Variants in OR52K1 observed in about 807,000 individuals in gnomAD.
OR52K1 encodes olfactory receptor 52K1.
Under a neutral mutation model 8.7 loss-of-function variants are expected in OR52K1, and 10 were observed. The ratio of observed to expected loss-of-function variants is 1.15; its 90% confidence interval spans 0.71 to 1.95. OR52K1 has a LOEUF of 1.95. OR52K1 is among the 30% of genes most tolerant of loss of function. The pLI is 0.00. For synonymous variants in OR52K1, 203 were observed against 148.5 expected (o/e 1.37, Z -2.67); for missense variants, 431 against 397.2 (o/e 1.08, Z -0.72).
chr11:4,485,016 T>C (rs1370967687), intron 1 of OR52K1, among the ~76,000 whole-genome samples: 1 of 152,234 alleles, frequency 6.6e-6, no homozygotes, highest in Non-Finnish European at 1.5e-5. Context: ...TGCCTGTCTC[T>C]CTTCTAGCAA....
rs746494070 is a variant in OR52K1, at chr11:4,489,339, G to A, written c.439G>A (p.Gly147Ser). 4 of 1,614,040 alleles carry A rather than the reference G, an allele frequency of 2.5e-6. No homozygotes were observed. The highest frequency in any genetic ancestry group is 3.4e-6 in the Non-Finnish European group (4 of 1,180,044). Residue 147 changes from glycine to serine, a missense_variant, in exon 2 of 2, where the codon GGC (glycine) becomes AGC (serine). Transcript: ENST00000641528. The stretch of plus-strand genomic sequence containing the variant: ...GACTGGGTCCCTCATCACCAAGATT[G>A]GCATGGCTGCTGTGGCCCGGGCTGT... ...VLTGSLITKI[G>S]MAAVARAVTL...
At position 4,489,526 on chromosome 11, in the gene OR52K1, T is replaced by C. The variant is rs369848783; in HGVS notation, c.626T>C (p.Val209Ala). The C allele has an allele frequency of 1.2e-6, 2 of 1,614,116 alleles. No homozygotes were observed. The highest frequency in any genetic ancestry group is 1.3e-5 in the African/African-American group (1 of 74,934). The change falls in exon 2 of 2, where the codon GTG (valine) becomes GCG (alanine). Residue 209 changes from valine (V) to alanine (A), a missense_variant. By Grantham distance (64) the Val-to-Ala change is moderately conservative. Transcript: ENST00000641528. ...IYGIAVAMFI[V>A]VLDLLFVILS... The stretch of plus-strand genomic sequence containing the variant: ...GGCATTGCTGTGGCCATGTTTATTG[T>C]GGTGTTGGACCTGCTCTTTGTTATC...
Position 4,492,820 on chromosome 11 carries a change from G to T in OR52K1, c.*2975G>T. 5.6e-6 allele frequency: 1 copy of T among 178,928 alleles called. No homozygotes were observed. Among genetic ancestry groups the T allele is most frequent in the South Asian group, 1.5e-4 (1 of 6,892 alleles). 11.1% of individuals were successfully genotyped at this position (178,928 alleles called of 1,614,324 possible). A position where few individuals can be genotyped will look rare whatever the true frequency, so the allele number is the denominator to read the frequency against. On this transcript the variant is annotated 3_prime_UTR_variant, in exon 2 of 2. Coordinates refer to ENST00000641528, the MANE Select transcript of OR52K1 (RefSeq NM_001005171.3). ...AGAGATCATAGAAATAAAGACAAAA[G>T]ATAAAGAGAAGAAAAGACAGCTGGG...
rs1846293317 is a variant in OR52K1 at position 4,483,001 on chromosome 11, C to T, written c.-504C>T. The T allele has an allele frequency of 2.5e-6, 1 of 395,660 alleles. No homozygotes were observed. Among genetic ancestry groups the T allele is most frequent in the South Asian group, 1.4e-4 (1 of 7,318 alleles). 24.5% of individuals were successfully genotyped at this position (395,660 alleles called of 1,614,324 possible). On this transcript the variant is annotated 5_prime_UTR_variant, in exon 1 of 2. Transcript: ENST00000641528. ...ATGCCTGCTTCCGTCCTATGCCAAACACTGTGGGCCATCTCCAAGAAGTCT... is the reference window on the plus strand; with the variant it reads ...ATGCCTGCTTCCGTCCTATGCCAAATACTGTGGGCCATCTCCAAGAAGTCT...
rs1846384609 is a variant in OR52K1, at chr11:4,492,363, T to C, written c.*2518T>C. 6.6e-6 allele frequency: 1 copy of C among 152,200 alleles called. No homozygotes were observed. Among genetic ancestry groups the C allele is most frequent in the Admixed American group, 6.5e-5 (1 of 15,282 alleles). 9.4% of individuals were successfully genotyped at this position (152,200 alleles called of 1,614,324 possible). A position where few individuals can be genotyped will look rare whatever the true frequency, so the allele number is the denominator to read the frequency against. On this transcript the variant is annotated 3_prime_UTR_variant, in exon 2 of 2. Transcript: ENST00000641528. ...AGAATAAGCGTATCACAGCCTAGAC[T>C]CATGATGAAGATCCATGGAGCAGAT...
At position 4,491,045 on chromosome 11, in the gene OR52K1, G is replaced by A. The variant is rs1012370329; in HGVS notation, c.*1200G>A. On this transcript the variant is annotated 3_prime_UTR_variant, in exon 2 of 2. Coordinates refer to ENST00000641528, the MANE Select transcript of OR52K1 (RefSeq NM_001005171.3). ...TTCACAGGTTGATAAAATCACCTGA[G>A]GACACATTTCTCAGAATGTATCCCC... 3 of 152,110 alleles carry A rather than the reference G, an allele frequency of 2.0e-5. No individual in the cohort carries two copies. The highest frequency in any genetic ancestry group is 4.8e-5 in the African/African-American group (2 of 41,392). 9.4% of individuals were successfully genotyped at this position (152,110 alleles called of 1,614,324 possible). A position where few individuals can be genotyped will look rare whatever the true frequency, so the allele number is the denominator to read the frequency against.
intron 1 of OR52K1, among the ~76,000 whole-genome samples, chr11:4,487,879 G>T (rs969682099): frequency 2.6e-5 from 4 of 151,756 alleles, no homozygotes; most frequent in Non-Finnish European, 5.9e-5. Flanking sequence ...TAACAGTCTT[G>T]GTAAAAACTG....
chr11:4,486,539 A>G (rs1355443310), intron 1 of OR52K1, among the ~76,000 whole-genome samples: 2 of 152,226 alleles, frequency 1.3e-5, no homozygotes, highest in African/African-American at 4.8e-5. Context: ...CAAATTTTCT[A>G]ATAAGGTGTA....
In OR52K1 at chr11:4,493,245, C is replaced by G. The variant is rs1846394855; in HGVS notation, c.*3400C>G. The G allele has an allele frequency of 6.6e-6, 1 of 152,222 alleles. No homozygotes were observed. The highest frequency in any genetic ancestry group is 1.5e-5 in the Non-Finnish European group (1 of 68,050). 9.4% of individuals were successfully genotyped at this position (152,222 alleles called of 1,614,324 possible). On this transcript the variant is annotated 3_prime_UTR_variant, in exon 2 of 2. Coordinates refer to ENST00000641528, the MANE Select transcript of OR52K1 (RefSeq NM_001005171.3). ...TCCAGATGGCTGTGGGTGGGCCTGA[C>G]TAATGTCAGGCCTTCCACAAGAGGT... is the stretch of plus-strand genomic sequence containing the variant.
chr11:4,487,160 C>T (rs1846327407), intron 1 of OR52K1, among the ~76,000 whole-genome samples: 1 of 152,086 alleles, frequency 6.6e-6, no homozygotes, highest in Non-Finnish European at 1.5e-5. Flanking sequence ...GATTGTAGAC[C>T]TTTCTACATG....
At position 4,489,626 on chromosome 11, in the gene OR52K1, ATG is replaced by A. The variant is rs762173099; in HGVS notation, c.732_733del (p.Ile247ArgfsTer56). ...QEARYKAFGT[C>X]VSHIGAILST... ...AGGCCCGCTACAAGGCATTTGGGAC[ATG>A]TGTGTCTCACATAGGTGCCATCCTG... is the stretch of plus-strand genomic sequence containing the variant. On this transcript the variant is annotated frameshift_variant, in exon 2 of 2. Transcript: ENST00000641528. LOFTEE classifies it high-confidence loss of function. 8.1e-6 allele frequency: 13 copies of A among 1,614,076 alleles called. No homozygotes were observed. In the African/African-American group the frequency reaches 1.6e-4, roughly 20 times the overall value.
Position 4,489,604 on chromosome 11 carries a change from C to A in OR52K1, c.704C>A (p.Ala235Asp), listed in dbSNP as rs766536729. 173 of 1,614,054 alleles carry A rather than the reference C, an allele frequency of 1.1e-4. No homozygotes were observed. Among genetic ancestry groups the A allele is most frequent in the Non-Finnish European group, 1.4e-4 (165 of 1,180,022 alleles). Residue 235 changes from alanine (A) to aspartate (D), a missense_variant, in exon 2 of 2, where the codon GCC becomes GAC. Physicochemically the swap from Ala to Asp is moderately radical, Grantham distance 126 (BLOSUM62 -2). Coordinates refer to ENST00000641528, the MANE Select transcript of OR52K1 (RefSeq NM_001005171.3). The part of the protein sequence containing the change: ...QAVLQLASQE[A>D]RYKAFGTCVS... ...GTTCTCCAGCTTGCCTCTCAGGAGG[C>A]CCGCTACAAGGCATTTGGGACATGT...
rs1271591030 is a variant in OR52K1 at position 4,493,343 on chromosome 11, T to C, written c.*3498T>C. On this transcript the variant is annotated 3_prime_UTR_variant, in exon 2 of 2. Transcript: ENST00000641528. Reference sequence around the variant, plus strand: ...TTTCTGGGTCTGTTAGTAACGGGTGTCTTCCCTAGGAACTGACTACTACTA... The same window carrying C: ...TTTCTGGGTCTGTTAGTAACGGGTGCCTTCCCTAGGAACTGACTACTACTA... The C allele has an allele frequency of 3.9e-5, 6 of 152,164 alleles. No individual in the cohort carries two copies. The highest frequency in any genetic ancestry group is 1.4e-4 in the African/African-American group (6 of 41,434). 9.4% of individuals were successfully genotyped at this position (152,164 alleles called of 1,614,324 possible).
At chr11:4,486,579 TCTC>T (rs1030846962) in intron 1 of OR52K1, among the ~76,000 whole-genome samples, 3 of 152,206 alleles carry the variant, frequency 2.0e-5, no homozygotes, top group African/African-American at 4.8e-5. Context: ...AATTTCAACT[TCTC>T]CTGCTCCCTA....
chr11:4,488,921 C>T lies in OR52K1; in HGVS notation c.21C>T (p.Thr7=). 1 of 1,613,748 alleles carries T rather than the reference C, an allele frequency of 6.2e-7. No homozygotes were observed. Among genetic ancestry groups the T allele is most frequent in the Admixed American group, 1.7e-5 (1 of 60,008 alleles). The change falls in exon 2 of 2, where the codon ACC becomes ACT. Residue 7 remains threonine (T), a synonymous_variant. Transcript: ENST00000641528. MLPSNI[T]STHPAVFLLV... is the part of the protein sequence containing the mutation. ...GAGCCATGCTTCCCTCTAATATCAC[C>T]TCAACACATCCAGCTGTCTTTTTGT...
In OR52K1 at chr11:4,489,639, A is replaced by G. The variant is rs142535388; in HGVS notation, c.739A>G (p.Ile247Val). 28 of 1,614,104 alleles carry G rather than the reference A, an allele frequency of 1.7e-5. No homozygotes were observed. The African/African-American group carries it at 2.8e-4, about 16-fold the overall frequency. ...GGCATTTGGGACATGTGTGTCTCACATAGGTGCCATCCTGTCCACCTACAC... is the reference window on the plus strand; with the variant it reads ...GGCATTTGGGACATGTGTGTCTCACGTAGGTGCCATCCTGTCCACCTACAC... ...YKAFGTCVSH[I>V]GAILSTYTPV... The change falls in exon 2 of 2, where the codon ATA becomes GTA. Residue 247 changes from isoleucine (I) to valine (V), a missense_variant. Ile to Val is a conservative substitution (Grantham distance 29). Transcript: ENST00000641528.
rs1001250322 is a variant in OR52K1, at chr11:4,488,837, GTAGAAGGTATATA to G, written c.-55_-43del. On this transcript the variant is annotated 5_prime_UTR_variant, in exon 2 of 2. Coordinates refer to ENST00000641528, the MANE Select transcript of OR52K1 (RefSeq NM_001005171.3). Reference sequence around the variant, plus strand: ...AGGTTGAACTCTAATCATATATACTGTAGAAGGTATATATAGAAGGTGAAGAAGCCCTGTAAAA... The same window carrying G: ...AGGTTGAACTCTAATCATATATACTGTAGAAGGTGAAGAAGCCCTGTAAAA... 9.0e-7 allele frequency: 1 copy of G among 1,111,140 alleles called. No homozygotes were observed. The highest frequency in any genetic ancestry group is 1.6e-5 in the African/African-American group (1 of 64,416). 68.8% of individuals were successfully genotyped at this position (1,111,140 alleles called of 1,614,324 possible).
rs746904948 is a variant in OR52K1, at chr11:4,489,029, C to T, written c.129C>T (p.Gly43=). The T allele has an allele frequency of 1.9e-6, 3 of 1,614,146 alleles. No individual in the cohort carries two copies. The highest frequency in any genetic ancestry group is 1.7e-6 in the Non-Finnish European group (2 of 1,179,972). Residue 43 remains glycine (G), a synonymous_variant, in exon 2 of 2, where the codon GGC becomes GGT. Transcript: ENST00000641528. ...FCFAYTLALL[G]NCTLLFIIQA... is the part of the protein sequence containing the mutation. The stretch of plus-strand genomic sequence containing the variant: ...TTGCTTATACTCTGGCCCTGCTAGG[C>T]AACTGTACCCTTCTCTTCATTATCC...
chr11:4,485,597 A>G (rs1399001280), intron 1 of OR52K1, among the ~76,000 whole-genome samples: 1 of 151,980 alleles, frequency 6.6e-6, no homozygotes, highest in African/African-American at 2.4e-5. Flanking sequence ...TATATCCCCA[A>G]TCCTATTACT....
Sources: allele counts gnomAD v4.1 joint callset (sites outside exome capture counted in the v4.1 genomes callset), GRCh38; gene constraint gnomAD v4.1.1; transcripts MANE v1.5; gene names NCBI Gene and HGNC (gene_info 2026-07-23, HGNC 2026-07-21).